FBLN7: variants seen among roughly 807,000 people sequenced by gnomAD.
The protein encoded by FBLN7 is fibulin 7, also known as fibulin-7.
Under a neutral mutation model 44.0 loss-of-function variants are expected in FBLN7, and 31 were observed. The observed-to-expected ratio is 0.70, with a 90% CI of 0.53 to 0.95. FBLN7 has a LOEUF of 0.95. FBLN7 is among the 40% of genes least tolerant of loss of function. FBLN7 has a pLI of 0.00. For missense variants in FBLN7, 573 were observed against 618.5 expected, an observed-to-expected ratio of 0.93 and a Z score of 0.78; for synonymous variants, 262 against 253.4, an observed-to-expected ratio of 1.03 and a Z score of -0.32.
intron 1 of FBLN7, among the ~76,000 whole-genome samples, chr2:112,140,627 A>G (rs929076404): frequency 2.0e-4 from 30 of 152,298 alleles, no homozygotes; most frequent in Middle Eastern, 6.8e-3. Flanking sequence ...GGGAGCTATG[A>G]GACATTGGTC....
At chr2:112,140,412 T>C (rs548104420) in intron 1 of FBLN7, among the ~76,000 whole-genome samples, 1 of 152,254 alleles carries the variant, frequency 6.6e-6, no homozygotes, top group African/African-American at 2.4e-5. Context: ...CTTGCCACTT[T>C]CCACTCGGAT....
chr2:112,216,482 CAG>C, the FBLN7 span: 2 of 152,204 alleles, frequency 1.3e-5, no homozygotes, highest in African/African-American at 2.4e-5. Flanking sequence ...CAGAAGAAAA[CAG>C]AGAACAAAAA....
At chr2:112,212,854 T>G in the FBLN7 span, 2 of 151,842 alleles carry the variant, frequency 1.3e-5, no homozygotes, top group African/African-American at 4.8e-5. Flanking sequence ...CTTGCCAAAC[T>G]CCAAATGTGA....
At chr2:112,173,960 T>C (rs1187768503) in intron 3 of FBLN7, among the ~76,000 whole-genome samples, 8 of 152,242 alleles carry the variant, frequency 5.3e-5, no homozygotes, top group Admixed American at 6.5e-5. Context: ...TGCGTTTCTC[T>C]GCTGCACCGA....
chr2:112,215,279 C>T, the FBLN7 span: 1 of 152,138 alleles, frequency 6.6e-6, no homozygotes, highest in African/African-American at 2.4e-5. Flanking sequence ...CCTTGCCCAC[C>T]TCCCGAGCCA....
downstream of FBLN7, chr2:112,189,527 T>C (rs1683413413): frequency 6.6e-6 from 1 of 152,232 alleles, no homozygotes. Flanking sequence ...TCAACTTTTC[T>C]TTTGTCCTTT....
intron 4 of FBLN7, among the ~76,000 whole-genome samples, chr2:112,180,686 C>T (rs1417992490): frequency 2.0e-5 from 3 of 151,908 alleles, no homozygotes; most frequent in Non-Finnish European, 4.4e-5. Flanking sequence ...TTTGGGAGGC[C>T]GAGGTGGGCA....
chr2:112,202,422 G>A, the FBLN7 span, among the ~76,000 whole-genome samples: 1 of 151,038 alleles, frequency 6.6e-6, no homozygotes, highest in African/African-American at 2.4e-5. Flanking sequence ...ATATAGATAT[G>A]AAATATATTT....
At chr2:112,229,941 G>A in the FBLN7 span, among the ~76,000 whole-genome samples, 1 of 145,156 alleles carries the variant, frequency 6.9e-6, no homozygotes, top group Admixed American at 6.9e-5. Flanking sequence ...CTGAGATGCC[G>A]CAAAAAAAAA....
intron 1 of FBLN7, among the ~76,000 whole-genome samples, chr2:112,156,820 C>T (rs1046693602): frequency 6.6e-6 from 1 of 152,200 alleles, no homozygotes; most frequent in Non-Finnish European, 1.5e-5. Flanking sequence ...TCCATTCAGT[C>T]TGGCCAGTGA....
Position 112,175,786 on chromosome 2 carries a change from G to A in FBLN7, c.479G>A (p.Cys160Tyr). 1 of 1,614,186 alleles carries A rather than the reference G, an allele frequency of 6.2e-7. No individual in the cohort carries two copies. Among genetic ancestry groups the A allele is most frequent in the East Asian group, 2.2e-5 (1 of 44,886 alleles). The stretch of plus-strand genomic sequence containing the variant: ...GTAGAAGGAGTCAACCAGTACAGAT[G>A]CATTTGTCCTCCAGGAAGGACTGGG... Reference protein sequence around the residue: ...TCVEGVNQYRCICPPGRTGNR... With the variant: ...TCVEGVNQYRYICPPGRTGNR... The change falls in exon 4 of 8, where the codon TGC becomes TAC. Residue 160 changes from cysteine (C) to tyrosine (Y), a missense_variant. By Grantham distance (194) the Cys-to-Tyr change is radical. Transcript: ENST00000331203.
Position 112,187,272 on chromosome 2 carries a change from C to G in FBLN7, c.1086C>G (p.Ala362=), listed in dbSNP as rs748531043. Residue 362 remains alanine, a synonymous_variant, in exon 8 of 8, where the codon GCC becomes GCG. Transcript: ENST00000331203. The surrounding 1 kb of genome is among the most constrained non-coding windows in gnomAD (Gnocchi z 5.1). ...TCTTCCGCATGGCCACAGCCTCTGCCCCCGGCCGAGCTGGGCCCAACAGCC... is the reference window on the plus strand; with the variant it reads ...TCTTCCGCATGGCCACAGCCTCTGCGCCCGGCCGAGCTGGGCCCAACAGCC... ...ITLFRMATAS[A]PGRAGPNSLR... The G allele has an allele frequency of 9.4e-5, 151 of 1,614,070 alleles. 1 individual carries two copies. The Admixed American group carries it at 2.4e-3, about 26-fold the overall frequency.
At chr2:112,160,136 G>A (rs541961736) in intron 2 of FBLN7, among the ~76,000 whole-genome samples, 1,611 of 151,904 alleles carry the variant, frequency 0.011, 29 homozygotes, top group African/African-American at 0.036. Flanking sequence ...GACTACAGGC[G>A]CCCGCCACCA....
chr2:112,160,796 A>G (rs961881710), intron 2 of FBLN7, among the ~76,000 whole-genome samples: 10 of 142,274 alleles, frequency 7.0e-5, no homozygotes, highest in East Asian at 2.0e-4. Context: ...GCACACGCAC[A>G]CACGCACGCA....
At chr2:112,227,058 T>C in the FBLN7 span, among the ~76,000 whole-genome samples, 2 of 151,836 alleles carry the variant, frequency 1.3e-5, no homozygotes, top group East Asian at 1.9e-4. Flanking sequence ...TCAACTAGAG[T>C]ATCTATAAAA....
chr2:112,140,288 C>T (rs1398187604), intron 1 of FBLN7, among the ~76,000 whole-genome samples: 1 of 151,794 alleles, frequency 6.6e-6, no homozygotes, highest in Non-Finnish European at 1.5e-5. Context: ...CAGTGTCCCT[C>T]CCGCCTCTCT....
At chr2:112,238,603 G>A in the FBLN7 span, 5 of 1,276,298 alleles carry the variant, frequency 3.9e-6, no homozygotes, top group Non-Finnish European at 5.4e-6. Context: ...GAAGAAACAA[G>A]ATTGGCTATA....
Position 112,181,722 on chromosome 2 carries a change from G to T in FBLN7, c.533-17G>T. 3.6e-6 allele frequency: 5 copies of T among 1,373,752 alleles called. No homozygotes were observed. Among genetic ancestry groups the T allele is most frequent in the Non-Finnish European group, 4.7e-6 (5 of 1,071,334 alleles). The allele number at this position is 1,373,752 out of a possible 1,614,324, so 85.1% of individuals were successfully genotyped here. On this transcript the variant is annotated splice_polypyrimidine_tract_variant and intron_variant, in intron 4 of 7. Coordinates refer to ENST00000331203, the MANE Select transcript of FBLN7 (RefSeq NM_153214.3). ...GGTGCGCCAGGGCCCGGCACTGAGC[G>T]TGTCTTCTCCCCGCAGCCGCCCCCG...
chr2:112,243,874 G>A, the FBLN7 span, among the ~76,000 whole-genome samples: 1,073 of 151,546 alleles, frequency 7.1e-3, 15 homozygotes, highest in African/African-American at 0.025. Flanking sequence ...AAAAGAACTC[G>A]AAAATTTAAA....
Sources: gnomAD v4.1 joint callset for allele counts (sites outside exome capture counted in the v4.1 genomes callset) on GRCh38, gnomAD v4.1.1 for gene constraint, Gnocchi (gnomAD v3.1) non-coding constraint, MANE v1.5 for transcripts, NCBI Gene and HGNC (gene_info 2026-07-23, HGNC 2026-07-21) for gene names.